PLAAT1: variants seen among roughly 807,000 people sequenced by gnomAD.
PLAAT1 encodes H-REV107 protein-related protein.
In PLAAT1, 13 loss-of-function variants were observed where a neutral mutation model predicts 16.4. The observed-to-expected ratio is 0.79, with a 90% CI of 0.52 to 1.26. PLAAT1 has a LOEUF of 1.26. Among genes scored for constraint, PLAAT1 ranks in the 50% most tolerant of loss-of-function variants. The pLI, the probability that PLAAT1 is intolerant of heterozygous loss-of-function variation, is 0.00. For synonymous variants in PLAAT1, 73 were observed against 78.4 expected, an observed-to-expected ratio of 0.93 and a Z score of 0.36; for missense variants, 218 against 207.8, an observed-to-expected ratio of 1.05 and a Z score of -0.30.
chr3:193,256,188 C>T (rs151284292), intron 2 of PLAAT1, among the ~76,000 whole-genome samples: 3 of 152,254 alleles, frequency 2.0e-5, no homozygotes, highest in African/African-American at 2.4e-5. Context: ...ACAGACGTCT[C>T]CCTGCATGGT....
intron 1 of PLAAT1, among the ~76,000 whole-genome samples, chr3:193,255,449 C>T (rs1434459446): frequency 2.0e-5 from 3 of 152,066 alleles, no homozygotes; most frequent in Non-Finnish European, 4.4e-5. Flanking sequence ...TAATACAAGA[C>T]AAATTATTTC....
chr3:193,259,247 A>G (rs1336774696), intron 2 of PLAAT1, among the ~76,000 whole-genome samples: 1 of 152,146 alleles, frequency 6.6e-6, no homozygotes, highest in African/African-American at 2.4e-5. Flanking sequence ...ACCTCAAAAT[A>G]ATGAATCATT....
At chr3:193,253,782 G>T (rs1465049673) in intron 1 of PLAAT1, among the ~76,000 whole-genome samples, 2 of 152,058 alleles carry the variant, frequency 1.3e-5, no homozygotes, top group Non-Finnish European at 2.9e-5. Flanking sequence ...TCCAAAAGTT[G>T]ATATTTGCTA....
chr3:193,273,316 C>A (rs1199822297), downstream of PLAAT1, among the ~76,000 whole-genome samples: 1 of 152,114 alleles, frequency 6.6e-6, no homozygotes, highest in Non-Finnish European at 1.5e-5. Flanking sequence ...TTACCAGTAG[C>A]TGCTAAATTA....
chr3:193,275,085 A>AC, downstream of PLAAT1: 1 of 1,614,050 alleles, frequency 6.2e-7, no homozygotes, highest in Non-Finnish European at 8.5e-7. Context: ...TTGGCCTCCC[A>AC]ATTTGAGTTT....
At chr3:193,256,754 A>C (rs1716390939) in intron 2 of PLAAT1, among the ~76,000 whole-genome samples, 1 of 152,194 alleles carries the variant, frequency 6.6e-6, no homozygotes, top group Non-Finnish European at 1.5e-5. Flanking sequence ...TTGTACTTCT[A>C]GGAATCTATT....
chr3:193,281,266 C>T (rs1717482314), downstream of PLAAT1: 2 of 946,028 alleles, frequency 2.1e-6, no homozygotes, highest in African/African-American at 1.8e-5. Context: ...AAGTCCTAGA[C>T]CTCACTAGCA....
chr3:193,250,368 G>A (rs1215794577), intron 1 of PLAAT1, among the ~76,000 whole-genome samples: 3 of 152,156 alleles, frequency 2.0e-5, no homozygotes, highest in Non-Finnish European at 4.4e-5. Flanking sequence ...TTTGAGCAGA[G>A]TTTAATCTCC....
chr3:193,258,539 A>G (rs1274774837), intron 2 of PLAAT1, among the ~76,000 whole-genome samples: 2 of 152,194 alleles, frequency 1.3e-5, no homozygotes, highest in African/African-American at 4.8e-5. Context: ...AGATCCAAAG[A>G]AGTACAATCG....
intron 3 of PLAAT1, among the ~76,000 whole-genome samples, chr3:193,268,756 G>C (rs139584217): frequency 6.6e-6 from 1 of 152,278 alleles, no homozygotes; most frequent in Non-Finnish European, 1.5e-5. Flanking sequence ...CATCTCTAGG[G>C]ATTTTGGTTT....
intron 1 of PLAAT1, among the ~76,000 whole-genome samples, chr3:193,254,721 G>A (rs1261371410): frequency 3.9e-5 from 6 of 152,076 alleles, no homozygotes; most frequent in East Asian, 1.9e-4. Context: ...TGACCACCTA[G>A]CATGGCTTCT....
At chr3:193,263,643 C>A (rs1360187793) in intron 3 of PLAAT1, among the ~76,000 whole-genome samples, 7 of 152,098 alleles carry the variant, frequency 4.6e-5, no homozygotes, top group African/African-American at 1.7e-4. Flanking sequence ...AATTATTTTT[C>A]ATTGGTGGAC....
At chr3:193,275,355 C>CCAG, downstream of PLAAT1, 1 of 1,587,568 alleles carries the variant, frequency 6.3e-7, no homozygotes, top group South Asian at 1.1e-5. Flanking sequence ...CCCCCTGCAG[C>CCAG]CAGGCCGCTG....
At chr3:193,272,122 A>C (rs1222014184), downstream of PLAAT1, among the ~76,000 whole-genome samples, 3 of 152,050 alleles carry the variant, frequency 2.0e-5, no homozygotes, top group Non-Finnish European at 4.4e-5. Context: ...TGTTCCTTTT[A>C]TGCCTTGTTC....
downstream of PLAAT1, chr3:193,275,267 C>G: frequency 3.7e-6 from 6 of 1,613,904 alleles, no homozygotes; most frequent in Non-Finnish European, 5.1e-6. Context: ...CTCTTTTGAT[C>G]AACAGCCAGA....
chr3:193,260,899 A>C (rs184370869), intron 2 of PLAAT1, among the ~76,000 whole-genome samples: 1 of 152,330 alleles, frequency 6.6e-6, no homozygotes, highest in Admixed American at 6.5e-5. Context: ...ATGTACTTGA[A>C]TGTTCATCAC....
At chr3:193,247,388 C>G (rs1244544944) in intron 1 of PLAAT1, among the ~76,000 whole-genome samples, 1 of 152,342 alleles carries the variant, frequency 6.6e-6, no homozygotes, top group South Asian at 2.1e-4. Context: ...CAGAAATTCA[C>G]GCCTTATACA....
downstream of PLAAT1, among the ~76,000 whole-genome samples, chr3:193,279,014 C>T (rs1717357429): frequency 6.6e-6 from 1 of 152,046 alleles, no homozygotes; most frequent in South Asian, 2.1e-4. Context: ...TTTATAACTA[C>T]TTTATAAAGG....
chr3:193,264,298 C>T (rs1042953042), intron 3 of PLAAT1, among the ~76,000 whole-genome samples: 9 of 152,126 alleles, frequency 5.9e-5, no homozygotes, highest in African/African-American at 2.2e-4. Flanking sequence ...AAACGCTGCA[C>T]CTCTTGAGCC....
Sources: gnomAD v4.1 joint callset for allele counts (sites outside exome capture counted in the v4.1 genomes callset) on GRCh38, gnomAD v4.1.1 for gene constraint, MANE v1.5 for transcripts, NCBI Gene and HGNC (gene_info 2026-07-23, HGNC 2026-07-21) for gene names.